Variants in CPE observed in about 807,000 individuals in gnomAD.
CPE encodes carboxypeptidase E, also known as carbocypeptidase E.
Under a neutral mutation model 53.5 loss-of-function variants are expected in CPE, and 17 were observed. The ratio of observed to expected loss-of-function variants is 0.32; its 90% confidence interval spans 0.22 to 0.48. The LOEUF (loss-of-function observed/expected upper bound fraction) is 0.48. Ranked by LOEUF, CPE falls within the 20% of genes least tolerant of loss-of-function variation. The pLI is 0.99. For missense variants in CPE, 524 were observed against 614.7 expected (o/e 0.85, Z 1.56); for synonymous variants, 226 against 228.8 (o/e 0.99, Z 0.11).
intron 1 of CPE, among the ~76,000 whole-genome samples, chr4:165,440,575 C>T (rs1731591996): frequency 6.6e-6 from 1 of 151,860 alleles, no homozygotes; most frequent in Admixed American, 6.6e-5. Context: ...GAGCAAACTT[C>T]TATAATAATT....
chr4:165,468,762 TTC>T (rs1287944252), intron 3 of CPE, among the ~76,000 whole-genome samples: 1 of 152,190 alleles, frequency 6.6e-6, no homozygotes, highest in African/African-American at 2.4e-5. Flanking sequence ...CCCAACTCTA[TTC>T]TATCTTCTCA....
At position 165,495,613 on chromosome 4, in the gene CPE, C is replaced by T. The variant is rs142920534; in HGVS notation, c.1268C>T (p.Ala423Val). ...ATACCTGGAAACTATAAACTTACAG[C>T]CTCAGCTCCAGGCTATCTGGCAATA... ...LLIPGNYKLT[A>V]SAPGYLAITK... Residue 423 changes from alanine (A) to valine (V), a missense_variant, in exon 8 of 9, where the codon GCC (alanine) becomes GTC (valine). Coordinates refer to ENST00000402744, the MANE Select transcript of CPE (RefSeq NM_001873.4). The T allele has an allele frequency of 4.7e-3, 7,620 of 1,613,948 alleles. 32 individuals carry two copies. The highest frequency in any genetic ancestry group is 4.8e-3 in the Non-Finnish European group (5,680 of 1,179,892).
intron 1 of CPE, among the ~76,000 whole-genome samples, chr4:165,457,165 AGT>A (rs1491097819): frequency 1.3e-5 from 2 of 152,196 alleles, no homozygotes; most frequent in Non-Finnish European, 2.9e-5. Flanking sequence ...TTCCACATGC[AGT>A]GGTGGGTTGG....
chr4:165,381,213 A>T (rs1730500637), intron 1 of CPE: 1 of 453,002 alleles, frequency 2.2e-6, no homozygotes, highest in Non-Finnish European at 4.4e-6. Context: ...AGAAAATGAA[A>T]ACAATGATTT....
intron 1 of CPE, among the ~76,000 whole-genome samples, chr4:165,382,274 C>T (rs187863976): frequency 6.6e-6 from 1 of 152,328 alleles, no homozygotes; most frequent in Admixed American, 6.5e-5. Flanking sequence ...AGGAAATGTA[C>T]AGTTTGTTGA....
At chr4:165,465,521 C>A (rs576869363) in intron 2 of CPE, among the ~76,000 whole-genome samples, 14 of 152,216 alleles carry the variant, frequency 9.2e-5, no homozygotes, top group African/African-American at 3.4e-4. Context: ...TTATCCCTCA[C>A]AGTCTAAGGT....
At position 165,406,194 on chromosome 4, in the gene CPE, A is replaced by C. The variant is rs1041958372; in HGVS notation, c.307+26666A>C. 1.5e-5 allele frequency: 10 copies of C among 689,128 alleles called. No individual in the cohort carries two copies. The African/African-American group carries it at 1.6e-4, about 11-fold the overall frequency. The allele number at this position is 689,128 out of a possible 1,614,324, so 42.7% of individuals were successfully genotyped here. On this transcript the variant is annotated intron_variant, in intron 1 of 8. Transcript: ENST00000402744. ...CTTTGAATGGGGAGAGTTAATTTAAATAACTATCACATCCCCTTTGACTCC... is the reference window on the plus strand; with the variant it reads ...CTTTGAATGGGGAGAGTTAATTTAACTAACTATCACATCCCCTTTGACTCC...
chr4:165,497,476 G>A, intron 8 of CPE, 36 bp from the exon 9 acceptor site: 1 of 1,239,246 alleles, frequency 8.1e-7, no homozygotes, highest in East Asian at 2.7e-5. Flanking sequence ...AACACATGCA[G>A]TTTGATAATA....
At chr4:165,392,638 AAATAT>A (rs886897196) in intron 1 of CPE, among the ~76,000 whole-genome samples, 74 of 146,728 alleles carry the variant, frequency 5.0e-4, no homozygotes, top group African/African-American at 1.8e-3. Flanking sequence ...ATGATATTAT[AAATAT>A]AATGAAATGT....
intron 6 of CPE, among the ~76,000 whole-genome samples, chr4:165,489,360 A>C (rs909346506): frequency 6.6e-6 from 1 of 152,214 alleles, no homozygotes; most frequent in African/African-American, 2.4e-5. Flanking sequence ...TTTTCAACTA[A>C]AATGTATTGA....
Position 165,406,162 on chromosome 4 carries a change from T to C in CPE, c.307+26634T>C, listed in dbSNP as rs1730950143. 3 of 730,688 alleles carry C rather than the reference T, an allele frequency of 4.1e-6. No individual in the cohort carries two copies. In the South Asian group the frequency reaches 4.1e-5, roughly 10 times the overall value. The allele number at this position is 730,688 out of a possible 1,614,324, so 45.3% of individuals were successfully genotyped here. On this transcript the variant is annotated intron_variant, in intron 1 of 8. Transcript: ENST00000402744. ...AATGCAGCTGTTTGTTTATTCAGCG[T>C]ATTTATCTTTGAATGGGGAGAGTTA...
Position 165,401,282 on chromosome 4 carries a change from T to C in CPE, c.307+21754T>C, listed in dbSNP as rs376841636. Among the ~76,000 whole-genome samples the C allele has an allele frequency of 8.5e-5, 13 of 152,332 alleles. 1 individual carries two copies. Among genetic ancestry groups the C allele is most frequent in the Admixed American group, 3.3e-4 (5 of 15,302 alleles). ...AGACAGGCTCACTCATAACAACAGG[T>C]GCAGTTAACTAGAAGCCGGTGAAGG... On this transcript the variant is annotated intron_variant, in intron 1 of 8. Coordinates refer to ENST00000402744, the MANE Select transcript of CPE (RefSeq NM_001873.4).
Position 165,379,508 on chromosome 4 carries a change from A to G in CPE, c.287A>G (p.Asn96Ser). 6.6e-7 allele frequency: 1 copy of G among 1,523,470 alleles called. No individual in the cohort carries two copies. The highest frequency in any genetic ancestry group is 1.1e-5 in the South Asian group (1 of 88,356). The allele number at this position is 1,523,470 out of a possible 1,614,324, so 94.4% of individuals were successfully genotyped here. Residue 96 changes from asparagine to serine, a missense_variant, in exon 1 of 9, where the codon AAC (asparagine) becomes AGC (serine). Asn to Ser is a conservative substitution (Grantham distance 46, BLOSUM62 1). Coordinates refer to ENST00000402744, the MANE Select transcript of CPE (RefSeq NM_001873.4). This position sits in a 1 kb window ranked among gnomAD's most constrained non-coding sequence, Gnocchi z 6.0. ...CTCCTGGTCATCGAGCTGTCCGACA[A>G]CCCTGGCGTCCATGAGCCTGGTAAG... is the stretch of plus-strand genomic sequence containing the variant. ...RELLVIELSD[N>S]PGVHEPGEPE... is the part of the protein sequence containing the mutation.
chr4:165,420,214 A>G lies in CPE; in HGVS notation c.307+40686A>G, dbSNP rs534520601. Among the ~76,000 whole-genome samples the G allele has an allele frequency of 2.6e-5, 4 of 152,262 alleles. No homozygotes were observed. In the East Asian group the frequency reaches 7.7e-4, roughly 29 times the overall value. ...TTCATATCATGTTATCACTTAATAA[A>G]CATTCTCTTTTTTATTCTGAGTGAA... On this transcript the variant is annotated intron_variant, in intron 1 of 8. Coordinates refer to ENST00000402744, the MANE Select transcript of CPE (RefSeq NM_001873.4).
At chr4:165,483,213 G>A (rs1030485427) in intron 4 of CPE, among the ~76,000 whole-genome samples, 1 of 152,014 alleles carries the variant, frequency 6.6e-6, no homozygotes, top group African/African-American at 2.4e-5. Flanking sequence ...TACACCCATT[G>A]TTTAGCTTCC....
chr4:165,446,824 A>G (rs1455293334), intron 1 of CPE, among the ~76,000 whole-genome samples: 3 of 152,258 alleles, frequency 2.0e-5, no homozygotes, highest in Non-Finnish European at 4.4e-5. Flanking sequence ...CTGCTGTTAG[A>G]AATCTTACCT....
intron 1 of CPE, among the ~76,000 whole-genome samples, chr4:165,387,572 A>T (rs986315121): frequency 8.6e-5 from 13 of 151,960 alleles, no homozygotes; most frequent in African/African-American, 3.1e-4. Flanking sequence ...GCACTTTGGG[A>T]GGCCAAGGCG....
intron 5 of CPE, among the ~76,000 whole-genome samples, chr4:165,486,685 A>G (rs1489673618): frequency 1.3e-5 from 2 of 152,212 alleles, no homozygotes; most frequent in Non-Finnish European, 2.9e-5. Flanking sequence ...CCAGCCCACC[A>G]GACACAAATG....
chr4:165,379,638 T>C lies in CPE; in HGVS notation c.307+110T>C. On this transcript the variant is annotated intron_variant, in intron 1 of 8. Transcript: ENST00000402744. This position sits in a 1 kb window ranked among gnomAD's most constrained non-coding sequence, Gnocchi z 6.0. The stretch of plus-strand genomic sequence containing the variant: ...GGAGGGATGGGCCCAGGGGTGCCTC[T>C]TGGTAAAAGGTATCTAAGGTGGAAG... The C allele has an allele frequency of 1.9e-6, 2 of 1,071,974 alleles. No homozygotes were observed. Among genetic ancestry groups the C allele is most frequent in the Non-Finnish European group, 2.5e-6 (2 of 785,534 alleles). 66.4% of individuals were successfully genotyped at this position (1,071,974 alleles called of 1,614,324 possible).
Sources: allele counts gnomAD v4.1 joint callset (sites outside exome capture counted in the v4.1 genomes callset), GRCh38; gene constraint gnomAD v4.1.1; non-coding constraint Gnocchi (gnomAD v3.1); transcripts MANE v1.5; gene names NCBI Gene and HGNC (gene_info 2026-07-23, HGNC 2026-07-21).